IL16: variants seen among roughly 807,000 people sequenced by gnomAD.
IL16 encodes interleukin 16.
In IL16, 67 loss-of-function variants were observed where a neutral mutation model predicts 110.1. That is an observed-to-expected ratio of 0.61 (90% CI 0.50 to 0.75). The LOEUF (loss-of-function observed/expected upper bound fraction) is 0.75, where lower values mean the gene tolerates loss of function less well. Among genes scored for constraint, IL16 ranks in the 30% least tolerant of loss-of-function variants. The probability of loss-of-function intolerance (pLI) is 0.00; values close to 1 mark genes in which losing one functional copy is unlikely to be tolerated. For missense variants in IL16, 1,545 were observed against 1,655.0 expected (o/e 0.93, Z 1.15); for synonymous variants, 689 against 662.9 (o/e 1.04, Z -0.61).
chr15:81,243,161 ATATTTTTT>A (rs1897400998), intron 2 of IL16, among the ~76,000 whole-genome samples: 1 of 27,780 alleles, frequency 3.6e-5, no homozygotes, highest in African/African-American at 1.1e-4. Context: ...ATATATATAT[ATATTTTTT>A]TTTTTTTTTT....
At chr15:81,305,076 T>G (rs1394031003) in intron 16 of IL16, among the ~76,000 whole-genome samples, 2 of 152,236 alleles carry the variant, frequency 1.3e-5, no homozygotes, top group African/African-American at 2.4e-5. Flanking sequence ...TAAAAATGTC[T>G]AGACTGCCTA....
chr15:81,283,794 T>C (rs948786608), intron 9 of IL16, among the ~76,000 whole-genome samples: 2 of 151,958 alleles, frequency 1.3e-5, no homozygotes, highest in African/African-American at 4.8e-5. Flanking sequence ...TGGCCTGAGC[T>C]CAGGAGTTCA....
In IL16 at chr15:81,259,816, A is replaced by G. The variant is rs2142186688; in HGVS notation, c.357A>G (p.Glu119=). The G allele has an allele frequency of 6.2e-7, 1 of 1,614,064 alleles. No homozygotes were observed. Among genetic ancestry groups the G allele is most frequent in the East Asian group, 2.2e-5 (1 of 44,884 alleles). ...ASSREKPGKL[E]AQSSNFLFPK... ...CTCGAGAAAAGCCTGGAAAACTAGA[A>G]GCACAAAGTAGTAACTTCCTGTTTC... The change falls in exon 3 of 19, where the codon GAA becomes GAG. Residue 119 remains glutamate (E), a synonymous_variant. Coordinates refer to ENST00000683961, the MANE Select transcript of IL16 (RefSeq NM_172217.5).
At chr15:81,250,492 A>G (rs1401715238) in intron 2 of IL16, among the ~76,000 whole-genome samples, 2 of 152,006 alleles carry the variant, frequency 1.3e-5, no homozygotes, top group Non-Finnish European at 1.5e-5. Flanking sequence ...CCTTGTTTCA[A>G]TGTGTGTTTT....
At chr15:81,268,917 T>C (rs889391384) in intron 4 of IL16, among the ~76,000 whole-genome samples, 3 of 152,210 alleles carry the variant, frequency 2.0e-5, no homozygotes, top group Non-Finnish European at 2.9e-5. Context: ...CGCCAGCTGA[T>C]AATGGGCAGA....
intron 12 of IL16, chr15:81,295,305 A>C (rs996822073): frequency 3.7e-5 from 40 of 1,086,378 alleles, no homozygotes; most frequent in Non-Finnish European, 4.6e-5. Flanking sequence ...TAAGAGAAAA[A>C]TTTGTGTAAA....
chr15:81,262,867 G>T (rs1898213006), intron 3 of IL16, among the ~76,000 whole-genome samples: 1 of 152,222 alleles, frequency 6.6e-6, no homozygotes. Context: ...GGAGGCAGAG[G>T]TTGTGGTGAG....
At chr15:81,232,969 C>T (rs528656560) in intron 2 of IL16, among the ~76,000 whole-genome samples, 1 of 152,200 alleles carries the variant, frequency 6.6e-6, no homozygotes, top group Admixed American at 6.5e-5. Context: ...AAGAATTCAC[C>T]TATGAGCCGT....
At chr15:81,239,487 G>C (rs556135552) in intron 2 of IL16, among the ~76,000 whole-genome samples, 66 of 152,310 alleles carry the variant, frequency 4.3e-4, no homozygotes, top group African/African-American at 1.5e-3. Context: ...TTTGGGGACA[G>C]AAAAAACCTA....
chr15:81,313,995 CTT>C lies in IL16; in HGVS notation c.*5200_*5201del, dbSNP rs1901007415. 6.6e-6 allele frequency: 1 copy of C among 152,066 alleles called. No individual in the cohort carries two copies. The highest frequency in any genetic ancestry group is 1.5e-5 in the Non-Finnish European group (1 of 68,008). The allele number at this position is 152,066 out of a possible 1,614,324, so 9.4% of individuals were successfully genotyped here. ...GCAAAAATATAAAAACAATGCCACTCTTTTCACAGTATTTTTTGTTTTAAAAA... is the reference window on the plus strand; with the variant it reads ...GCAAAAATATAAAAACAATGCCACTCTTCACAGTATTTTTTGTTTTAAAAA... On this transcript the variant is annotated 3_prime_UTR_variant, in exon 19 of 19. Transcript: ENST00000683961.
intron 5 of IL16, among the ~76,000 whole-genome samples, chr15:81,270,932 A>G (rs1184932772): frequency 1.3e-5 from 2 of 152,202 alleles, no homozygotes; most frequent in Non-Finnish European, 2.9e-5. Flanking sequence ...CTACACCCCA[A>G]GATCTCGTCA....
intron 6 of IL16, among the ~76,000 whole-genome samples, chr15:81,274,472 G>A (rs1204240495): frequency 6.6e-6 from 1 of 152,192 alleles, no homozygotes; most frequent in Non-Finnish European, 1.5e-5. Context: ...GCTGGGATTA[G>A]AGGTGTGAGC....
At chr15:81,184,064 C>G (rs991011531) in intron 1 of IL16, among the ~76,000 whole-genome samples, 1 of 152,158 alleles carries the variant, frequency 6.6e-6, no homozygotes, top group African/African-American at 2.4e-5. Flanking sequence ...CCCAAAGTAG[C>G]CCTGGCTCTT....
chr15:81,259,132 A>G (rs1370446968), intron 2 of IL16, among the ~76,000 whole-genome samples: 3 of 152,376 alleles, frequency 2.0e-5, no homozygotes, highest in African/African-American at 2.4e-5. Flanking sequence ...AAATATTTGC[A>G]TATAGTAATA....
rs1199851531 is a variant in IL16 at position 81,306,518 on chromosome 15, C to T, written c.3778C>T (p.Pro1260Ser). ...GGKGSLHGDK[P>S]LTINRIFKGA... The stretch of plus-strand genomic sequence containing the variant: ...GAAGGGCTCCCTACACGGAGACAAG[C>T]CTCTCACCATTAACAGGATTTTCAA... The change falls in exon 18 of 19, where the codon CCT becomes TCT. Residue 1260 changes from proline to serine, a missense_variant. This residue lies in a region of IL16 where 356 missense variants were observed against 399.3 expected (regional missense o/e 0.89). Transcript: ENST00000683961. 1 of 1,613,556 alleles carries T rather than the reference C, an allele frequency of 6.2e-7. No individual in the cohort carries two copies. The highest frequency in any genetic ancestry group is 8.5e-7 in the Non-Finnish European group (1 of 1,180,034).
rs1215854554 is a variant in IL16, at chr15:81,313,132, A to G, written c.*4334A>G. On this transcript the variant is annotated 3_prime_UTR_variant, in exon 19 of 19. Coordinates refer to ENST00000683961, the MANE Select transcript of IL16 (RefSeq NM_172217.5). ...CTGGTTGGCATTCTCAGAGATGCGC[A>G]GTCCATCAGCTTGTTCCAAAGAGTG... 3 of 1,178,068 alleles carry G rather than the reference A, an allele frequency of 2.5e-6. No individual in the cohort carries two copies. Among genetic ancestry groups the G allele is most frequent in the Non-Finnish European group, 3.4e-6 (3 of 877,428 alleles). The allele number at this position is 1,178,068 out of a possible 1,614,324, so 73.0% of individuals were successfully genotyped here.
rs113256346 is a variant in IL16 at position 81,254,237 on chromosome 15, C to T, written c.313-5535C>T. 8.2e-3 allele frequency among the ~76,000 whole-genome samples: 1,245 copies of T among 152,226 alleles called. 11 individuals are homozygous for T. Among genetic ancestry groups the T allele is most frequent in the Middle Eastern group, 0.02 (6 of 294 alleles). On this transcript the variant is annotated intron_variant, in intron 2 of 18. Transcript: ENST00000683961. The stretch of plus-strand genomic sequence containing the variant: ...TGTCAGTAATGCCAGTGATGTCAGC[C>T]AGGGCTGGCTACATAAAAAATAAAC...
intron 1 of IL16, among the ~76,000 whole-genome samples, chr15:81,205,116 G>A (rs1020634659): frequency 1.3e-5 from 2 of 152,062 alleles, no homozygotes; most frequent in Admixed American, 1.3e-4. Context: ...AGACCAGTTG[G>A]CCAACCTGGT....
intron 2 of IL16, among the ~76,000 whole-genome samples, chr15:81,229,039 G>T (rs374226704): frequency 5.9e-5 from 9 of 152,144 alleles, no homozygotes; most frequent in East Asian, 1.9e-4. Context: ...ATATGATGAT[G>T]ATTATTATTT....
Sources: allele counts gnomAD v4.1 joint callset (sites outside exome capture counted in the v4.1 genomes callset), GRCh38; gene constraint gnomAD v4.1.1; regional missense constraint gnomAD v4.1.1; transcripts MANE v1.5; gene names NCBI Gene and HGNC (gene_info 2026-07-23, HGNC 2026-07-21).